The following FCRL1 variants were observed in gnomAD, a reference collection of about 807,000 sequenced individuals.
The protein encoded by FCRL1 is Fc receptor-like protein 1.
A neutral mutation model predicts 49.2 loss-of-function variants in FCRL1; 34 were observed. That is an observed-to-expected ratio of 0.69 (90% CI 0.53 to 0.92). FCRL1 has a LOEUF of 0.92. Among genes scored for constraint, FCRL1 ranks in the 40% least tolerant of loss-of-function variants. The pLI, the probability that FCRL1 is intolerant of heterozygous loss-of-function variation, is 0.00. For missense variants in FCRL1, 524 were observed against 524.1 expected (o/e 1.00, Z 0.00); for synonymous variants, 218 against 201.6 (o/e 1.08, Z -0.69).
At position 157,810,833 on chromosome 1, in the gene FCRL1, G is replaced by T. The variant is rs116696977; in HGVS notation, c.32-3711C>A. 3.8e-3 allele frequency among the ~76,000 whole-genome samples: 577 copies of T among 152,150 alleles called. 2 individuals are homozygous for T. The highest frequency in any genetic ancestry group is 0.013 in the African/African-American group (531 of 41,512). On this transcript the variant is annotated intron_variant, in intron 1 of 10. Coordinates refer to ENST00000368176, the MANE Select transcript of FCRL1 (RefSeq NM_052938.5). Reference sequence around the variant, plus strand: ...AGACAGGATCTTGCTCTGTCACCCAGGCTGGAGGTCAGATCACTGCAGCCT... The same window carrying T: ...AGACAGGATCTTGCTCTGTCACCCATGCTGGAGGTCAGATCACTGCAGCCT...
chr1:157,805,979 A>G (rs1653373815), intron 2 of FCRL1, among the ~76,000 whole-genome samples: 1 of 152,216 alleles, frequency 6.6e-6, no homozygotes, highest in Non-Finnish European at 1.5e-5. Flanking sequence ...GGGAAACTGG[A>G]CAGGGTGGAT....
rs139624544 is a variant in FCRL1 at position 157,802,181 on chromosome 1, C to A, written c.620G>T (p.Arg207Leu). 1.5e-5 allele frequency: 25 copies of A among 1,613,010 alleles called. No homozygotes were observed. Among genetic ancestry groups the A allele is most frequent in the Non-Finnish European group, 2.0e-5 (24 of 1,179,484 alleles). Reference sequence around the variant, plus strand: ...GGGAGCCCTGAGCATGAGGATTGGGCGAGACACCGGGACTGAGGGAGACAG... The same window carrying A: ...GGGAGCCCTGAGCATGAGGATTGGGAGAGACACCGGGACTGAGGGAGACAG... The part of the protein sequence containing the change: ...VSITVRIPVS[R>L]PILMLRAPRA... The change falls in exon 5 of 11, where the codon CGC becomes CTC. Residue 207 changes from arginine to leucine, a missense_variant. Transcript: ENST00000368176.
chr1:157,804,246 ACC>A lies in FCRL1; in HGVS notation c.53-137_53-136del, dbSNP rs58174605. The A allele has an allele frequency of 7.6e-4, 568 of 750,066 alleles. 2 individuals are homozygous for A. The African/African-American group carries it at 8.0e-3, about 11-fold the overall frequency. The allele number at this position is 750,066 out of a possible 1,614,324, so 46.5% of individuals were successfully genotyped here. A position where few individuals can be genotyped will look rare whatever the true frequency, so the allele number is the denominator to read the frequency against. On this transcript the variant is annotated intron_variant, in intron 2 of 10. Coordinates refer to ENST00000368176, the MANE Select transcript of FCRL1 (RefSeq NM_052938.5). ...CACACAGGCCACCCTACATGTCTCC[ACC>A]CCCCCCCCAGTGGCCCATGGGCTTT...
At chr1:157,803,774 A>G in intron 3 of FCRL1, 71 bp downstream of exon 3, 1 of 1,554,234 alleles carries the variant, frequency 6.4e-7, no homozygotes, top group East Asian at 2.3e-5. Flanking sequence ...AGAACCCATA[A>G]CAGTGAGGAT....
rs200953593 is a variant in FCRL1 at position 157,801,480 on chromosome 1, G to A, written c.984C>T (p.Tyr328=). Residue 328 remains tyrosine (Y), a synonymous_variant, in exon 6 of 11, where the codon TAC becomes TAT. Transcript: ENST00000368176. ...GPATVALLFC[Y]GLKRKIGRRS... ...ACTAACCTATTTTTCTTTTGAGGCC[G>A]TAGCAAAATAATAAGGCCACGGTGG... 98 of 1,611,606 alleles carry A rather than the reference G, an allele frequency of 6.1e-5. No individual in the cohort carries two copies. Among genetic ancestry groups the A allele is most frequent in the Middle Eastern group, 5.0e-4 (3 of 6,060 alleles).
At chr1:157,798,683 G>A (rs955642490) in intron 7 of FCRL1, among the ~76,000 whole-genome samples, 6 of 151,932 alleles carry the variant, frequency 3.9e-5, no homozygotes, top group African/African-American at 1.5e-4. Flanking sequence ...CCTGTTTATT[G>A]TTGGCATAAA....
intron 6 of FCRL1, 61 bp downstream of exon 6, chr1:157,801,400 A>C: frequency 9.5e-7 from 1 of 1,056,892 alleles, no homozygotes; most frequent in Non-Finnish European, 1.5e-6. Context: ...TCACAATTTC[A>C]GCCTATTTCA....
Position 157,795,965 on chromosome 1 carries a change from A to G in FCRL1, c.*134T>C. Reference sequence around the variant, plus strand: ...GCCAACTTCACTTCACAGTAGATGAAGGAATAGTGCCATGGAGAATGGCAT... The same window carrying G: ...GCCAACTTCACTTCACAGTAGATGAGGGAATAGTGCCATGGAGAATGGCAT... On this transcript the variant is annotated 3_prime_UTR_variant, in exon 11 of 11. Coordinates refer to ENST00000368176, the MANE Select transcript of FCRL1 (RefSeq NM_052938.5). The G allele has an allele frequency of 1.3e-6, 1 of 750,024 alleles. No homozygotes were observed. Among genetic ancestry groups the G allele is most frequent in the South Asian group, 1.7e-5 (1 of 59,294 alleles). The allele number at this position is 750,024 out of a possible 1,614,324, so 46.5% of individuals were successfully genotyped here.
At chr1:157,799,829 AAGGGGATCAAC>A (rs1449611223) in intron 7 of FCRL1, among the ~76,000 whole-genome samples, 5 of 152,114 alleles carry the variant, frequency 3.3e-5, no homozygotes, top group Admixed American at 3.3e-4. Context: ...AGTGGTATTG[AAGGGGATCAAC>A]AGGAAAAATA....
intron 9 of FCRL1, chr1:157,797,600 G>T: frequency 1.4e-6 from 1 of 714,926 alleles, no homozygotes. Context: ...TCAGGAAGAG[G>T]TAAGCCATGG....
In FCRL1 at chr1:157,795,970, T is replaced by C; in HGVS notation, c.*129A>G. ...CTTCACTTCACAGTAGATGAAGGAA[T>C]AGTGCCATGGAGAATGGCATCCAGA... On this transcript the variant is annotated 3_prime_UTR_variant, in exon 11 of 11. Coordinates refer to ENST00000368176, the MANE Select transcript of FCRL1 (RefSeq NM_052938.5). The C allele has an allele frequency of 1.3e-6, 1 of 776,640 alleles. No individual in the cohort carries two copies. Among genetic ancestry groups the C allele is most frequent in the South Asian group, 1.6e-5 (1 of 62,374 alleles). 48.1% of individuals were successfully genotyped at this position (776,640 alleles called of 1,614,324 possible).
At chr1:157,797,038 G>T in intron 10 of FCRL1, 63 bp downstream of exon 10, 1 of 1,546,794 alleles carries the variant, frequency 6.5e-7, no homozygotes, top group Non-Finnish European at 8.9e-7. Context: ...AATTTAAGAA[G>T]TTTGAGAACC....
chr1:157,796,278 T>C (rs1422170416), intron 10 of FCRL1, 108 bp from the exon 11 acceptor site: 3 of 893,344 alleles, frequency 3.4e-6, no homozygotes, highest in Non-Finnish European at 5.4e-6. Flanking sequence ...CATCACGCAA[T>C]GCAAAAATAA....
At chr1:157,817,625 T>A (rs1298391858) in intron 1 of FCRL1, among the ~76,000 whole-genome samples, 1 of 152,056 alleles carries the variant, frequency 6.6e-6, no homozygotes, top group African/African-American at 2.4e-5. Context: ...CAGTGATTTT[T>A]TTGGCTAGGA....
chr1:157,809,608 A>C (rs1022823125), intron 1 of FCRL1, among the ~76,000 whole-genome samples: 3 of 151,586 alleles, frequency 2.0e-5, no homozygotes, highest in African/African-American at 7.3e-5. Flanking sequence ...GCCAGCCACC[A>C]CACCCAGCTA....
In FCRL1 at chr1:157,802,041, C is replaced by T. The variant is rs757915017; in HGVS notation, c.760G>A (p.Ala254Thr). Residue 254 changes from alanine (A) to threonine (T), a missense_variant, in exon 5 of 11, where the codon GCC becomes ACC. Physicochemically the swap from Ala to Thr is moderately conservative, Grantham distance 58. Coordinates refer to ENST00000368176, the MANE Select transcript of FCRL1 (RefSeq NM_052938.5). The stretch of plus-strand genomic sequence containing the variant: ...AAGGAGGCTCCTCCTCCAGAGGGGG[C>T]CGACCTGCTCCCCAGGGTGATATCC... ...HEDITLGSRS[A>T]PSGGGASFNL... 25 of 1,614,096 alleles carry T rather than the reference C, an allele frequency of 1.5e-5. No homozygotes were observed. Among genetic ancestry groups the T allele is most frequent in the Non-Finnish European group, 1.9e-5 (22 of 1,180,046 alleles).
In FCRL1 at chr1:157,803,980, C is replaced by G. The variant is rs753427334; in HGVS notation, c.184G>C (p.Gly62Arg). The change falls in exon 3 of 11, where the codon GGC becomes CGC. Residue 62 changes from glycine (G) to arginine (R), a missense_variant. Gly to Arg is a moderately radical substitution (Grantham distance 125, BLOSUM62 -2). Coordinates refer to ENST00000368176, the MANE Select transcript of FCRL1 (RefSeq NM_052938.5). ...TTGGGGGAGCTGCTCCAGCCTGGGCCCAAGGCCCGGGTGTCTCTGAAAAAG... is the reference window on the plus strand; with the variant it reads ...TTGGGGGAGCTGCTCCAGCCTGGGCGCAAGGCCCGGGTGTCTCTGAAAAAG... The part of the protein sequence containing the change: ...FCFFRDTRAL[G>R]PGWSSSPKLQ... 1.2e-6 allele frequency: 2 copies of G among 1,614,046 alleles called. No individual in the cohort carries two copies. Among genetic ancestry groups the G allele is most frequent in the African/African-American group, 2.7e-5 (2 of 74,928 alleles).
chr1:157,813,083 G>A (rs1015785943), intron 1 of FCRL1, among the ~76,000 whole-genome samples: 4 of 152,014 alleles, frequency 2.6e-5, no homozygotes, highest in Non-Finnish European at 4.4e-5. Flanking sequence ...AGGATCCATC[G>A]GCACCCTAGG....
chr1:157,807,361 T>C (rs1457742936), intron 1 of FCRL1, among the ~76,000 whole-genome samples: 1 of 152,100 alleles, frequency 6.6e-6, no homozygotes, highest in African/African-American at 2.4e-5. Context: ...CCTTTTCCCA[T>C]ATTCTGCATC....
Sources: allele counts gnomAD v4.1 joint callset (sites outside exome capture counted in the v4.1 genomes callset), GRCh38; gene constraint gnomAD v4.1.1; transcripts MANE v1.5; gene names NCBI Gene and HGNC (gene_info 2026-07-23, HGNC 2026-07-21).